Variants in TRAPPC9 observed in about 807,000 individuals in gnomAD.
TRAPPC9 encodes the protein trafficking protein particle complex subunit 9.
Under a neutral mutation model 124.0 loss-of-function variants are expected in TRAPPC9, and 83 were observed. The observed-to-expected ratio is 0.67, with a 90% CI of 0.56 to 0.80. The LOEUF is 0.80. Among genes scored for constraint, TRAPPC9 ranks in the 30% least tolerant of loss-of-function variants. TRAPPC9 has a pLI of 0.00. For synonymous variants in TRAPPC9, 638 were observed against 617.5 expected (o/e 1.03, Z -0.49); for missense variants, 1,302 against 1,508.3 (o/e 0.86, Z 2.27).
intron 17 of TRAPPC9, among the ~76,000 whole-genome samples, chr8:140,151,466 G>C (rs912132528): frequency 2.0e-5 from 3 of 152,160 alleles, no homozygotes; most frequent in African/African-American, 7.2e-5. Context: ...ACATCGGCAG[G>C]ATTGGCTCCT....
At chr8:140,033,672 T>TTTTTG (rs1563706785) in intron 17 of TRAPPC9, among the ~76,000 whole-genome samples, 5,693 of 94,076 alleles carry the variant, frequency 0.061, 458 homozygotes, top group South Asian at 0.1. Flanking sequence ...TTTTTTTTTT[T>TTTTTG]TTTTTTTTTT....
At chr8:140,060,209 G>GC (rs2132133648) in intron 17 of TRAPPC9, among the ~76,000 whole-genome samples, 1 of 152,314 alleles carries the variant, frequency 6.6e-6, no homozygotes, top group Non-Finnish European at 1.5e-5. Context: ...GGCCAGGCCG[G>GC]CCCCACTGCT....
chr8:139,854,446 C>T (rs558144443), intron 21 of TRAPPC9, among the ~76,000 whole-genome samples: 12 of 152,250 alleles, frequency 7.9e-5, no homozygotes, highest in Non-Finnish European at 1.3e-4. Flanking sequence ...CCTTGGTGTC[C>T]GTGTCTGTGC....
At chr8:140,061,214 A>T (rs1316953369) in intron 17 of TRAPPC9, among the ~76,000 whole-genome samples, 2 of 152,238 alleles carry the variant, frequency 1.3e-5, no homozygotes, top group Non-Finnish European at 2.9e-5. Context: ...GAGTTGGTGG[A>T]AGCCCTTAAT....
At chr8:139,874,175 A>G (rs912559062) in intron 21 of TRAPPC9, among the ~76,000 whole-genome samples, 2 of 152,368 alleles carry the variant, frequency 1.3e-5, no homozygotes, top group East Asian at 3.9e-4. Context: ...AAATGGAAAA[A>G]TGAAACATTA....
chr8:140,301,573 G>A (rs56862351), intron 10 of TRAPPC9, among the ~76,000 whole-genome samples: 5 of 152,312 alleles, frequency 3.3e-5, no homozygotes, highest in African/African-American at 7.2e-5. Context: ...TTGGGAAGAC[G>A]GTGGTTAAGA....
chr8:140,234,401 C>T (rs2063681474), intron 16 of TRAPPC9, among the ~76,000 whole-genome samples: 1 of 152,214 alleles, frequency 6.6e-6, no homozygotes, highest in Admixed American at 6.5e-5. Flanking sequence ...GACAGTACTG[C>T]ACAGGCCATT....
chr8:140,362,672 T>C (rs912627743), intron 8 of TRAPPC9, among the ~76,000 whole-genome samples: 1 of 152,198 alleles, frequency 6.6e-6, no homozygotes, highest in Non-Finnish European at 1.5e-5. Context: ...ATATTCCACA[T>C]TGTCAAAAGA....
At chr8:140,206,628 T>C (rs2062923297) in intron 17 of TRAPPC9, among the ~76,000 whole-genome samples, 1 of 152,150 alleles carries the variant, frequency 6.6e-6, no homozygotes, top group African/African-American at 2.4e-5. Flanking sequence ...TCTGGATCTT[T>C]AAAGTGGCAT....
intron 17 of TRAPPC9, among the ~76,000 whole-genome samples, chr8:140,058,188 C>T (rs1842400164): frequency 6.6e-6 from 1 of 152,082 alleles, no homozygotes; most frequent in Admixed American, 6.6e-5. Flanking sequence ...ACATTAATTT[C>T]CTTTTCTCCA....
intron 21 of TRAPPC9, among the ~76,000 whole-genome samples, chr8:139,747,378 G>A (rs1225369595): frequency 2.6e-5 from 4 of 151,886 alleles, no homozygotes; most frequent in Non-Finnish European, 5.9e-5. Context: ...AAGGGAAGGA[G>A]TACAGGAGGG....
In TRAPPC9 at chr8:139,728,396, T is replaced by C. The variant is rs952727952; in HGVS notation, c.*2665A>G. Among the ~76,000 whole-genome samples the C allele has an allele frequency of 1.3e-5, 2 of 152,224 alleles. No homozygotes were observed. The highest frequency in any genetic ancestry group is 4.8e-5 in the African/African-American group (2 of 41,454). ...CGCTGGCCTTCAGGAGGTTTCTGAA[T>C]GCACCAGGGGCCTAGAGAAGCAGCA... On this transcript the variant is annotated 3_prime_UTR_variant, in exon 23 of 23. Transcript: ENST00000438773.
chr8:140,143,901 T>C (rs1482892060), intron 17 of TRAPPC9, among the ~76,000 whole-genome samples: 1 of 152,212 alleles, frequency 6.6e-6, no homozygotes, highest in South Asian at 2.1e-4. Flanking sequence ...CTGACAACAA[T>C]TATAAAACTC....
chr8:140,272,425 G>GGTA (rs1563904705), intron 15 of TRAPPC9, among the ~76,000 whole-genome samples: 1 of 150,750 alleles, frequency 6.6e-6, no homozygotes, highest in Non-Finnish European at 1.5e-5. Context: ...TGGTGATGGT[G>GGTA]GTGATGGTAG....
rs1300216777 is a variant in TRAPPC9 at position 140,353,666 on chromosome 8, G to A, written c.1495+6384C>T. ...GCCGCGGGCCAGACCTGGTCCATAG[G>A]CCACGGTTTGCCAAACCCTGCTCAA... is the stretch of plus-strand genomic sequence containing the variant. On this transcript the variant is annotated intron_variant, in intron 9 of 22. Transcript: ENST00000438773. This position sits in a 1 kb window ranked among gnomAD's most constrained non-coding sequence, Gnocchi z 4.2. 2.0e-5 allele frequency among the ~76,000 whole-genome samples: 3 copies of A among 152,192 alleles called. No homozygotes were observed. The East Asian group carries it at 5.8e-4, about 29-fold the overall frequency.
intron 21 of TRAPPC9, among the ~76,000 whole-genome samples, chr8:139,800,534 C>G (rs1586870496): frequency 6.6e-6 from 1 of 152,330 alleles, no homozygotes. Context: ...GTGCAGCTCC[C>G]AGAAAGAGCA....
At chr8:140,024,212 C>G in intron 17 of TRAPPC9, 133 bp from the exon 18 acceptor site, 1 of 1,145,380 alleles carries the variant, frequency 8.7e-7, no homozygotes, top group Non-Finnish European at 1.3e-6. Flanking sequence ...CAGCATTGGC[C>G]GACTCACAAC....
chr8:140,143,748 T>C (rs1320132412), intron 17 of TRAPPC9, among the ~76,000 whole-genome samples: 1 of 152,236 alleles, frequency 6.6e-6, no homozygotes, highest in Non-Finnish European at 1.5e-5. Context: ...TTCATATGCA[T>C]AACCAAATGT....
intron 15 of TRAPPC9, among the ~76,000 whole-genome samples, chr8:140,267,856 T>C (rs879945142): frequency 6.6e-6 from 1 of 152,126 alleles, no homozygotes; most frequent in Non-Finnish European, 1.5e-5. Flanking sequence ...TTAGTAGAGA[T>C]GGGGTTTCAC....
Sources: allele counts gnomAD v4.1 joint callset (sites outside exome capture counted in the v4.1 genomes callset), GRCh38; gene constraint gnomAD v4.1.1; non-coding constraint Gnocchi (gnomAD v3.1); transcripts MANE v1.5; gene names NCBI Gene and HGNC (gene_info 2026-07-23, HGNC 2026-07-21).